Variants in COTL1 observed in about 807,000 individuals in gnomAD.
COTL1 encodes the protein coactosin like F-actin binding protein 1.
Under a neutral mutation model 16.5 loss-of-function variants are expected in COTL1, and 15 were observed. The observed-to-expected ratio is 0.91, with a 90% CI of 0.61 to 1.40. The LOEUF (loss-of-function observed/expected upper bound fraction) is 1.40, where lower values mean the gene tolerates loss of function less well. Ranked by LOEUF, COTL1 falls within the 40% of genes most tolerant of loss-of-function variation. COTL1 has a pLI of 0.00. For missense variants in COTL1, 220 were observed against 201.5 expected (o/e 1.09, Z -0.56); for synonymous variants, 112 against 85.3 (o/e 1.31, Z -1.73).
rs1157603515 is a variant in COTL1, at chr16:84,566,837, G to A, written c.*8C>T. The A allele has an allele frequency of 6.3e-7, 1 of 1,592,108 alleles. No homozygotes were observed. Among genetic ancestry groups the A allele is most frequent in the East Asian group, 2.2e-5 (1 of 44,760 alleles). On this transcript the variant is annotated 3_prime_UTR_variant, in exon 4 of 4. Coordinates refer to ENST00000262428, the MANE Select transcript of COTL1 (RefSeq NM_021149.5). ...CTTTGGCAAGGGGTGGTGTGGCGGG[G>A]GCTGGGGTTACTCCGTCTGGGCGTC...
rs553868125 is a variant in COTL1 at position 84,587,043 on chromosome 16, T to C, written c.318+3062A>G. ...GTGGGCCAAGCACGGCGGGCGGAAT[T>C]CAGCAGGAGACCTTTGGCCACAGAA... On this transcript the variant is annotated intron_variant, in intron 3 of 3. Transcript: ENST00000262428. Among the ~76,000 whole-genome samples the C allele has an allele frequency of 3.2e-4, 49 of 152,280 alleles. 2 individuals carry two copies. Among genetic ancestry groups the C allele is most frequent in the Non-Finnish European group, 1.8e-4 (12 of 68,016 alleles).
chr16:84,580,372 G>A (rs150893021), intron 3 of COTL1, among the ~76,000 whole-genome samples: 137 of 152,138 alleles, frequency 9.0e-4, no homozygotes, highest in Non-Finnish European at 1.6e-3. Context: ...TCAGCCTCCC[G>A]AGTAGCTTGG....
chr16:84,612,345 A>T lies in COTL1; in HGVS notation c.160+5156T>A, dbSNP rs116256335. Reference sequence around the variant, plus strand: ...TGCTCCTTCATGCAGACCCGGGCCAAGGGTCTAATGCGTGTCCACATGGGG... The same window carrying T: ...TGCTCCTTCATGCAGACCCGGGCCATGGGTCTAATGCGTGTCCACATGGGG... On this transcript the variant is annotated intron_variant, in intron 2 of 3. Coordinates refer to ENST00000262428, the MANE Select transcript of COTL1 (RefSeq NM_021149.5). Among the ~76,000 whole-genome samples, 980 of 152,236 alleles carry T rather than the reference A, an allele frequency of 6.4e-3. 14 individuals carry two copies. Among genetic ancestry groups the T allele is most frequent in the African/African-American group, 0.022 (932 of 41,536 alleles).
chr16:84,573,330 G>T (rs1003247937), intron 3 of COTL1, among the ~76,000 whole-genome samples: 10 of 152,222 alleles, frequency 6.6e-5, no homozygotes, highest in Non-Finnish European at 1.5e-4. Context: ...AACAGCGCAG[G>T]TCTAGACAGA....
intron 2 of COTL1, among the ~76,000 whole-genome samples, chr16:84,599,065 C>CT (rs1316958809): frequency 6.6e-6 from 1 of 152,072 alleles, no homozygotes; most frequent in African/African-American, 2.4e-5. Context: ...CCACTAAGCT[C>CT]TGAAGGCTTG....
intron 2 of COTL1, among the ~76,000 whole-genome samples, chr16:84,614,009 T>TC (rs1217657382): frequency 6.6e-6 from 1 of 151,100 alleles, no homozygotes; most frequent in Non-Finnish European, 1.5e-5. Flanking sequence ...GGGCTAAACC[T>TC]CCCCCCTCCC....
At chr16:84,607,122 C>T (rs1472320498) in intron 2 of COTL1, among the ~76,000 whole-genome samples, 1 of 152,312 alleles carries the variant, frequency 6.6e-6, no homozygotes, top group South Asian at 2.1e-4. Flanking sequence ...GTCCCTCTCT[C>T]CAGGAGGACT....
intron 2 of COTL1, among the ~76,000 whole-genome samples, chr16:84,604,931 A>T (rs1296804435): frequency 1.3e-5 from 2 of 152,262 alleles, no homozygotes; most frequent in Non-Finnish European, 2.9e-5. Flanking sequence ...TCCGGGTCAG[A>T]GCAGACCTCC....
chr16:84,603,588 C>T (rs1905146295), intron 2 of COTL1, among the ~76,000 whole-genome samples: 2 of 122,176 alleles, frequency 1.6e-5, no homozygotes, highest in African/African-American at 6.4e-5. Flanking sequence ...TTGGGAAGCG[C>T]TAGGTGAGGA....
rs1904846946 is a variant in COTL1, at chr16:84,590,976, G to C, written c.161-714C>G. ...ATGAATTCTGAACACATTTCCATTG[G>C]CTGTGTTATGCTTGTTCTATCTTAT... On this transcript the variant is annotated intron_variant, in intron 2 of 3. Coordinates refer to ENST00000262428, the MANE Select transcript of COTL1 (RefSeq NM_021149.5). This position sits in a 1 kb window ranked among gnomAD's most constrained non-coding sequence, Gnocchi z 5.5. Among the ~76,000 whole-genome samples the C allele has an allele frequency of 6.6e-6, 1 of 152,112 alleles. No homozygotes were observed. The highest frequency in any genetic ancestry group is 2.4e-5 in the African/African-American group (1 of 41,400).
At position 84,590,314 on chromosome 16, in the gene COTL1, G is replaced by C. The variant is rs1478686670; in HGVS notation, c.161-52C>G. On this transcript the variant is annotated intron_variant, in intron 2 of 3. Coordinates refer to ENST00000262428, the MANE Select transcript of COTL1 (RefSeq NM_021149.5). The surrounding 1 kb of genome is among the most constrained non-coding windows in gnomAD (Gnocchi z 5.5). ...TGGTGCTGCGTTAAAACACCCCCATGTCATGTCCCTGGGGAGAGGCTGTGA... is the reference window on the plus strand; with the variant it reads ...TGGTGCTGCGTTAAAACACCCCCATCTCATGTCCCTGGGGAGAGGCTGTGA... The C allele has an allele frequency of 6.3e-7, 1 of 1,591,176 alleles. No individual in the cohort carries two copies.
In COTL1 at chr16:84,567,317, G is replaced by A. The variant is rs72795426; in HGVS notation, c.319-362C>T. ...TTTCTCATCTGTAAAAAACTATCTC[G>A]TCAGGAAAATAATAGGTTACGAGGT... is the stretch of plus-strand genomic sequence containing the variant. On this transcript the variant is annotated intron_variant, in intron 3 of 3. Transcript: ENST00000262428. 1.5e-3 allele frequency: 288 copies of A among 190,484 alleles called. 1 individual carries two copies. The highest frequency in any genetic ancestry group is 4.4e-3 in the Middle Eastern group (2 of 458). The allele number at this position is 190,484 out of a possible 1,614,324, so 11.8% of individuals were successfully genotyped here.
intron 2 of COTL1, among the ~76,000 whole-genome samples, chr16:84,599,044 G>C (rs1371776303): frequency 2.6e-5 from 4 of 151,984 alleles, no homozygotes; most frequent in Non-Finnish European, 2.9e-5. Context: ...GTTACAAACG[G>C]CATATGGTCC....
chr16:84,582,083 G>C (rs1189253784), intron 3 of COTL1, among the ~76,000 whole-genome samples: 4 of 148,008 alleles, frequency 2.7e-5, no homozygotes, highest in Non-Finnish European at 5.9e-5. Context: ...TGCCTCCTGG[G>C]TTCAAGCAAT....
rs538753460 is a variant in COTL1 at position 84,579,330 on chromosome 16, A to T, written c.318+10775T>A. ...TGGCCAACATGGCATCTCTATTAAA[A>T]ATACCAAATTAGCTGGGTGTGTTGG... On this transcript the variant is annotated intron_variant, in intron 3 of 3. Coordinates refer to ENST00000262428, the MANE Select transcript of COTL1 (RefSeq NM_021149.5). 5.9e-5 allele frequency among the ~76,000 whole-genome samples: 9 copies of T among 152,320 alleles called. No individual in the cohort carries two copies. The East Asian group carries it at 1.7e-3, about 29-fold the overall frequency.
At chr16:84,611,865 G>A (rs552017150) in intron 2 of COTL1, among the ~76,000 whole-genome samples, 132 of 152,242 alleles carry the variant, frequency 8.7e-4, no homozygotes, top group South Asian at 4.8e-3. Context: ...CCACACATAC[G>A]TGATCTGTAA....
intron 3 of COTL1, among the ~76,000 whole-genome samples, chr16:84,570,617 A>C (rs577117519): frequency 1.3e-5 from 2 of 152,234 alleles, no homozygotes; most frequent in Non-Finnish European, 2.9e-5. Flanking sequence ...GAAAACATTT[A>C]AAGCAAACTG....
rs370794775 is a variant in COTL1, at chr16:84,590,375, C to T, written c.161-113G>A. On this transcript the variant is annotated intron_variant, in intron 2 of 3. Transcript: ENST00000262428. This position sits in a 1 kb window ranked among gnomAD's most constrained non-coding sequence, Gnocchi z 5.5. ...CGCCTGGAGCAGCACAGCAGGAGAC[C>T]GGTGCAGTTCCCTGGGAGCACCATG... The T allele has an allele frequency of 1.0e-5, 13 of 1,257,684 alleles. No homozygotes were observed. Among genetic ancestry groups the T allele is most frequent in the South Asian group, 2.9e-5 (2 of 69,964 alleles). 77.9% of individuals were successfully genotyped at this position (1,257,684 alleles called of 1,614,324 possible).
At chr16:84,598,367 A>G (rs1395946599) in intron 2 of COTL1, among the ~76,000 whole-genome samples, 2 of 152,166 alleles carry the variant, frequency 1.3e-5, no homozygotes, top group Admixed American at 6.5e-5. Context: ...CCCTGAAGGT[A>G]GGTAAAGGGA....
Sources: allele counts gnomAD v4.1 joint callset (sites outside exome capture counted in the v4.1 genomes callset), GRCh38; gene constraint gnomAD v4.1.1; non-coding constraint Gnocchi (gnomAD v3.1); transcripts MANE v1.5; gene names NCBI Gene and HGNC (gene_info 2026-07-23, HGNC 2026-07-21).